The following TENM4 variants were observed in gnomAD, a reference collection of about 807,000 sequenced individuals.
TENM4 encodes teneurin-4.
Under a neutral mutation model 243.3 loss-of-function variants are expected in TENM4, and 82 were observed. That is an observed-to-expected ratio of 0.34 (90% CI 0.28 to 0.40). The LOEUF (loss-of-function observed/expected upper bound fraction) is 0.40, where lower values mean the gene tolerates loss of function less well. Ranked by LOEUF, TENM4 falls within the 10% of genes least tolerant of loss-of-function variation. The pLI is 1.00. For missense variants in TENM4, 3,138 were observed against 3,673.3 expected (o/e 0.85, Z 3.77); for synonymous variants, 1,412 against 1,456.3 (o/e 0.97, Z 0.69).
chr11:79,028,626 T>C (rs2136841160), intron 6 of TENM4, among the ~76,000 whole-genome samples: 1 of 152,314 alleles, frequency 6.6e-6, no homozygotes, highest in South Asian at 2.1e-4. Context: ...GGTCTTAACC[T>C]TGGGCTGGGC....
intron 1 of TENM4, among the ~76,000 whole-genome samples, chr11:79,349,860 A>G (rs1857386443): frequency 6.6e-6 from 1 of 152,224 alleles, no homozygotes; most frequent in Non-Finnish European, 1.5e-5. Context: ...GCAGTTAGAT[A>G]GTAGGGCCTA....
chr11:78,707,789 A>G (rs762795387), intron 27 of TENM4, among the ~76,000 whole-genome samples: 1 of 152,258 alleles, frequency 6.6e-6, no homozygotes, highest in Non-Finnish European at 1.5e-5. Context: ...TGTTTCATGT[A>G]TCTTCAGGGT....
chr11:79,402,670 A>G (rs1331917419), intron 1 of TENM4, among the ~76,000 whole-genome samples: 3 of 151,904 alleles, frequency 2.0e-5, no homozygotes, highest in Non-Finnish European at 4.4e-5. Context: ...TTTACTACAA[A>G]CACCTCTCCT....
At chr11:79,357,503 T>C (rs556857) in intron 1 of TENM4, among the ~76,000 whole-genome samples, 119,388 of 152,186 alleles carry the variant, frequency 0.78, 47,168 homozygotes, top group African/African-American at 0.86. Flanking sequence ...CATTCTGCCT[T>C]AATCCAACTA....
chr11:79,331,926 C>T (rs1447954758), intron 1 of TENM4, among the ~76,000 whole-genome samples: 2 of 152,208 alleles, frequency 1.3e-5, no homozygotes, highest in Non-Finnish European at 2.9e-5. Context: ...GTTGTCAAAG[C>T]CTGTCAGGTT....
intron 16 of TENM4, among the ~76,000 whole-genome samples, chr11:78,785,609 A>T (rs1178160337): frequency 6.6e-6 from 1 of 152,200 alleles, no homozygotes; most frequent in East Asian, 1.9e-4. Context: ...GGATAAAATA[A>T]TGCAGCTAAA....
chr11:79,223,843 G>A (rs1864208580), intron 2 of TENM4, among the ~76,000 whole-genome samples: 1 of 152,144 alleles, frequency 6.6e-6, no homozygotes, highest in Non-Finnish European at 1.5e-5. Context: ...CTCCCACCAC[G>A]TGGGTTGTGA....
intron 1 of TENM4, among the ~76,000 whole-genome samples, chr11:79,343,830 G>C (rs1372286520): frequency 6.6e-6 from 1 of 152,214 alleles, no homozygotes; most frequent in Non-Finnish European, 1.5e-5. Flanking sequence ...AACTCTGAGA[G>C]CTGAGGCAGG....
At chr11:79,100,774 G>A (rs1861209976) in intron 4 of TENM4, among the ~76,000 whole-genome samples, 1 of 152,120 alleles carries the variant, frequency 6.6e-6, no homozygotes, top group Admixed American at 6.5e-5. Context: ...AACTTACAAG[G>A]AAGCCCCTCC....
rs528075358 is a variant in TENM4 at position 79,082,401 on chromosome 11, T to TG, written c.-65-12393dup. Among the ~76,000 whole-genome samples the TG allele has an allele frequency of 2.7e-3, 412 of 152,212 alleles. 1 individual carries two copies. The highest frequency in any genetic ancestry group is 9.3e-3 in the African/African-American group (385 of 41,550). ...TTTTAGAGAGGCGGGAGCTAAGGCT[T>TG]GGGGGGTTGTGACTGGCAGTCAGCC... On this transcript the variant is annotated intron_variant, in intron 4 of 33. Coordinates refer to ENST00000278550, the MANE Select transcript of TENM4 (RefSeq NM_001098816.3).
chr11:78,721,847 C>T (rs1489996901), intron 24 of TENM4, among the ~76,000 whole-genome samples: 1 of 152,120 alleles, frequency 6.6e-6, no homozygotes. Flanking sequence ...GTGTGAGGCT[C>T]CCTTATCTCT....
intron 1 of TENM4, among the ~76,000 whole-genome samples, chr11:79,402,443 T>C (rs986057122): frequency 1.3e-5 from 2 of 152,220 alleles, no homozygotes; most frequent in African/African-American, 4.8e-5. Context: ...TAAATTCACT[T>C]TTGCATTGCT....
chr11:79,343,399 G>A (rs1324031779), intron 1 of TENM4, among the ~76,000 whole-genome samples: 1 of 152,188 alleles, frequency 6.6e-6, no homozygotes, highest in Non-Finnish European at 1.5e-5. Context: ...CACACACAGA[G>A]GTCTGCTGGC....
intron 1 of TENM4, among the ~76,000 whole-genome samples, chr11:79,358,560 A>T (rs1857535357): frequency 6.6e-6 from 1 of 152,120 alleles, no homozygotes; most frequent in Non-Finnish European, 1.5e-5. Context: ...AGCTGCATTC[A>T]AAAAACTAAT....
chr11:78,728,242 C>T (rs73496549), intron 22 of TENM4, among the ~76,000 whole-genome samples: 1 of 152,204 alleles, frequency 6.6e-6, no homozygotes, highest in Non-Finnish European at 1.5e-5. Context: ...TAGGAAAGAT[C>T]TGGAATAAAT....
chr11:78,810,138 G>A (rs572630528), intron 14 of TENM4, among the ~76,000 whole-genome samples: 2 of 152,268 alleles, frequency 1.3e-5, no homozygotes, highest in African/African-American at 4.8e-5. Context: ...AGGGAGGAGG[G>A]GAGGAGAAGT....
chr11:79,384,510 C>A (rs1858068321), intron 1 of TENM4, among the ~76,000 whole-genome samples: 1 of 152,154 alleles, frequency 6.6e-6, no homozygotes, highest in Admixed American at 6.5e-5. Flanking sequence ...GGTTGAATTT[C>A]AGTCCCAGTC....
At chr11:79,148,025 A>G (rs1862424497) in intron 4 of TENM4, among the ~76,000 whole-genome samples, 1 of 152,002 alleles carries the variant, frequency 6.6e-6, no homozygotes, top group Non-Finnish European at 1.5e-5. Flanking sequence ...TGATGAAGTG[A>G]CTTTCCTGAA....
At chr11:78,665,040 T>TTC (rs1183840298) in intron 32 of TENM4, among the ~76,000 whole-genome samples, 1 of 152,168 alleles carries the variant, frequency 6.6e-6, no homozygotes, top group Non-Finnish European at 1.5e-5. Context: ...AAGTAGATAT[T>TTC]TCCCTCAAGT....
Sources: allele counts gnomAD v4.1 joint callset (sites outside exome capture counted in the v4.1 genomes callset), GRCh38; gene constraint gnomAD v4.1.1; transcripts MANE v1.5; gene names NCBI Gene and HGNC (gene_info 2026-07-23, HGNC 2026-07-21).